Variants in SFXN2 observed in about 807,000 individuals in gnomAD.
The protein encoded by SFXN2 is sideroflexin-2.
A neutral mutation model predicts 41.9 loss-of-function variants in SFXN2; 37 were observed. The ratio of observed to expected loss-of-function variants is 0.88; its 90% CI spans 0.68 to 1.16. The LOEUF (loss-of-function observed/expected upper bound fraction) is 1.16. Among genes scored for constraint, SFXN2 ranks in the 50% most tolerant of loss-of-function variants. The pLI, the probability that SFXN2 is intolerant of heterozygous loss-of-function variation, is 0.00. For synonymous variants in SFXN2, 150 were observed against 156.7 expected (o/e 0.96, Z 0.32); for missense variants, 386 against 425.2 (o/e 0.91, Z 0.81).
chr10:102,715,490 C>T (rs572292152), intron 1 of SFXN2, among the ~76,000 whole-genome samples: 66 of 152,286 alleles, frequency 4.3e-4, no homozygotes, highest in Non-Finnish European at 8.2e-4. Flanking sequence ...CCTCCCATCC[C>T]TTTCCCGATG....
intron 1 of SFXN2, among the ~76,000 whole-genome samples, chr10:102,718,014 A>AC (rs766139735): frequency 8.5e-5 from 13 of 152,202 alleles, no homozygotes; most frequent in Non-Finnish European, 1.6e-4. Context: ...GTCGGGGAAG[A>AC]GTGCCCATTG....
Position 102,735,843 on chromosome 10 carries a change from G to T in SFXN2, c.822-19G>T, listed in dbSNP as rs201197344. 5 of 1,613,984 alleles carry T rather than the reference G, an allele frequency of 3.1e-6. No individual in the cohort carries two copies. The highest frequency in any genetic ancestry group is 4.2e-6 in the Non-Finnish European group (5 of 1,179,874). On this transcript the variant is annotated intron_variant, in intron 10 of 11. Coordinates refer to ENST00000369893, the MANE Select transcript of SFXN2 (RefSeq NM_178858.6). ...GTGGGGAGATGTCCCCTGATGCTTTGGTTTCTCCTTTCTTGCAGCCTCATC... is the reference window on the plus strand; with the variant it reads ...GTGGGGAGATGTCCCCTGATGCTTTTGTTTCTCCTTTCTTGCAGCCTCATC...
chr10:102,724,441 C>T lies in SFXN2; in HGVS notation c.-25-2171C>T, dbSNP rs537040959. ...GTTTCCGGCTGGACGTGGTGGCTCACGCCTGTAATCCCAGCACTTTGGGAG... is the reference window on the plus strand; with the variant it reads ...GTTTCCGGCTGGACGTGGTGGCTCATGCCTGTAATCCCAGCACTTTGGGAG... On this transcript the variant is annotated intron_variant, in intron 1 of 11. Transcript: ENST00000369893. 1.5e-3 allele frequency among the ~76,000 whole-genome samples: 228 copies of T among 152,276 alleles called. 2 individuals are homozygous for T. The highest frequency in any genetic ancestry group is 4.5e-3 in the African/African-American group (188 of 41,562).
At position 102,726,609 on chromosome 10, in the gene SFXN2, T is replaced by C; in HGVS notation, c.-25-3T>C. The C allele has an allele frequency of 1.2e-6, 2 of 1,613,528 alleles. No homozygotes were observed. Among genetic ancestry groups the C allele is most frequent in the East Asian group, 2.2e-5 (1 of 44,872 alleles). ...ACAGTCATCTTCTTCCTTTGTCCCTTAGGTCCACAGTTTTATGTGTGAGCA... is the reference window on the plus strand; with the variant it reads ...ACAGTCATCTTCTTCCTTTGTCCCTCAGGTCCACAGTTTTATGTGTGAGCA... On this transcript the variant is annotated splice_region_variant and splice_polypyrimidine_tract_variant and intron_variant, in intron 1 of 11. Coordinates refer to ENST00000369893, the MANE Select transcript of SFXN2 (RefSeq NM_178858.6).
Position 102,727,018 on chromosome 10 carries a change from G to T in SFXN2, c.193G>T (p.Glu65Ter). Reference sequence around the variant, plus strand: ...GGTTGTGCCCCCAGGCACCCAAGTGGAGCAGCTGCTGTATGCCAAGAAGCT... The same window carrying T: ...GGTTGTGCCCCCAGGCACCCAAGTGTAGCAGCTGCTGTATGCCAAGAAGCT... ...MGVVPPGTQV[E>*]QLLYAKKLYD... Residue 65 changes from glutamate (E) to a stop codon, truncating the protein, a stop_gained, in exon 3 of 12, where the codon GAG becomes TAG. Coordinates refer to ENST00000369893, the MANE Select transcript of SFXN2 (RefSeq NM_178858.6). LOFTEE classifies it high-confidence loss of function. 6.2e-7 allele frequency: 1 copy of T among 1,603,772 alleles called. No homozygotes were observed. The highest frequency in any genetic ancestry group is 2.2e-5 in the East Asian group (1 of 44,536).
At position 102,740,908 on chromosome 10, in the gene SFXN2, A is replaced by G. The variant is rs1019131231; in HGVS notation, c.*3146A>G. On this transcript the variant is annotated 3_prime_UTR_variant, in exon 12 of 12. Transcript: ENST00000369893. Reference sequence around the variant, plus strand: ...GACTGATGTTCTTTCAGAACATACAATGTTTCCCCTTCCTTCTCAGCTCCT... The same window carrying G: ...GACTGATGTTCTTTCAGAACATACAGTGTTTCCCCTTCCTTCTCAGCTCCT... 6.6e-6 allele frequency: 1 copy of G among 152,194 alleles called. No homozygotes were observed. The highest frequency in any genetic ancestry group is 1.9e-4 in the East Asian group (1 of 5,196). The allele number at this position is 152,194 out of a possible 1,614,324, so 9.4% of individuals were successfully genotyped here.
intron 3 of SFXN2, 119 bp from the exon 4 acceptor site, chr10:102,728,312 T>TA (rs1484925473): frequency 3.8e-6 from 3 of 784,418 alleles, no homozygotes; most frequent in Non-Finnish European, 6.5e-6. Flanking sequence ...AAAATAAAAA[T>TA]AAAAAACTAG....
chr10:102,728,450 T>G lies in SFXN2; in HGVS notation c.352T>G (p.Phe118Val). 1 of 1,614,092 alleles carries G rather than the reference T, an allele frequency of 6.2e-7. No individual in the cohort carries two copies. The change falls in exon 4 of 12, where the codon TTC (phenylalanine) becomes GTC (valine). Residue 118 changes from phenylalanine (F) to valine (V), a missense_variant. Phe to Val is a conservative substitution (Grantham distance 50). Coordinates refer to ENST00000369893, the MANE Select transcript of SFXN2 (RefSeq NM_178858.6). ...TGGTAGGACGATGCCGGCGGTGATCTTCTGGCAGTGGGTGAACCAGTCCTT... is the reference window on the plus strand; with the variant it reads ...TGGTAGGACGATGCCGGCGGTGATCGTCTGGCAGTGGGTGAACCAGTCCTT... ...QFYRTMPAVI[F>V]WQWVNQSFNA... is the part of the protein sequence containing the mutation.
chr10:102,727,293 C>A (rs988812362), intron 3 of SFXN2, 136 bp downstream of exon 3: 1 of 908,804 alleles, frequency 1.1e-6, no homozygotes, highest in East Asian at 2.7e-5. Flanking sequence ...ATTCTTTGCT[C>A]GTATTGCTTC....
intron 11 of SFXN2, among the ~76,000 whole-genome samples, chr10:102,737,286 T>A (rs749018249): frequency 6.6e-6 from 1 of 152,140 alleles, no homozygotes; most frequent in African/African-American, 2.4e-5. Flanking sequence ...AGGGAAGGGA[T>A]ACATCAGACT....
At chr10:102,723,883 G>A (rs996747638) in intron 1 of SFXN2, among the ~76,000 whole-genome samples, 4 of 152,128 alleles carry the variant, frequency 2.6e-5, no homozygotes, top group African/African-American at 9.7e-5. Context: ...TGTTACATAG[G>A]TAAACTTGTG....
intron 1 of SFXN2, among the ~76,000 whole-genome samples, chr10:102,718,691 G>T (rs1482891636): frequency 2.6e-5 from 4 of 152,158 alleles, no homozygotes; most frequent in African/African-American, 9.7e-5. Context: ...AGGAAATGGC[G>T]TACCTCCAGC....
At chr10:102,725,873 CA>C (rs533065889) in intron 1 of SFXN2, among the ~76,000 whole-genome samples, 4 of 149,836 alleles carry the variant, frequency 2.7e-5, no homozygotes, top group African/African-American at 7.3e-5. Flanking sequence ...GACCCTGTCT[CA>C]AAAAAAAAGT....
chr10:102,718,124 A>G (rs148362799), intron 1 of SFXN2, among the ~76,000 whole-genome samples: 191 of 152,196 alleles, frequency 1.3e-3, no homozygotes, highest in Non-Finnish European at 2.1e-3. Flanking sequence ...TAAGACAGGG[A>G]CTCTGCAGTT....
chr10:102,729,842 A>G (rs1056351003), intron 6 of SFXN2, 34 bp downstream of exon 6: 7 of 1,607,998 alleles, frequency 4.4e-6, no homozygotes, highest in Non-Finnish European at 6.0e-6. Flanking sequence ...CCTACAAACC[A>G]CAAGATTAGC....
intron 1 of SFXN2, among the ~76,000 whole-genome samples, chr10:102,721,544 AAATG>A (rs2064509023): frequency 1.4e-5 from 2 of 147,680 alleles, no homozygotes; most frequent in South Asian, 4.2e-4. Context: ...CTATATAAAT[AAATG>A]TATATATAAA....
rs2064819047 is a variant in SFXN2, at chr10:102,739,010, C to T, written c.*1248C>T. ...TAAAGGACACACAGCAATGCACAGC[C>T]ACTTCCCTTCCCCAGCTTGGCTGCC... is the stretch of plus-strand genomic sequence containing the variant. On this transcript the variant is annotated 3_prime_UTR_variant, in exon 12 of 12. Transcript: ENST00000369893. 1 of 152,660 alleles carries T rather than the reference C, an allele frequency of 6.6e-6. No individual in the cohort carries two copies. The highest frequency in any genetic ancestry group is 1.5e-5 in the Non-Finnish European group (1 of 68,054). The allele number at this position is 152,660 out of a possible 1,614,324, so 9.5% of individuals were successfully genotyped here.
intron 1 of SFXN2, among the ~76,000 whole-genome samples, chr10:102,720,603 C>T (rs1330897118): frequency 6.6e-6 from 1 of 150,872 alleles, no homozygotes; most frequent in Non-Finnish European, 1.5e-5. Context: ...AGAGCAAGAC[C>T]CTGTCTCAAA....
intron 7 of SFXN2, 132 bp from the exon 8 acceptor site, chr10:102,732,020 C>T (rs1193371841): frequency 3.4e-6 from 3 of 893,474 alleles, no homozygotes; most frequent in African/African-American, 3.3e-5. Flanking sequence ...AGTGAGGTCA[C>T]TCAGCAACTG....
Sources: allele counts gnomAD v4.1 joint callset (sites outside exome capture counted in the v4.1 genomes callset), GRCh38; gene constraint gnomAD v4.1.1; transcripts MANE v1.5; gene names NCBI Gene and HGNC (gene_info 2026-07-23, HGNC 2026-07-21).